Variants in SLC12A3 observed in about 807,000 individuals in gnomAD.
SLC12A3 encodes the protein solute carrier family 12 member 3.
In SLC12A3, 104 loss-of-function variants were observed where a neutral mutation model predicts 121.0. That is an observed-to-expected ratio of 0.86 (90% confidence interval 0.73 to 1.01). The LOEUF (loss-of-function observed/expected upper bound fraction) is 1.01. Ranked by LOEUF, SLC12A3 falls within the 50% of genes least tolerant of loss-of-function variation. The pLI is 0.00. For missense variants in SLC12A3, 1,328 were observed against 1,356.3 expected (o/e 0.98, Z 0.33); for synonymous variants, 536 against 533.4 (o/e 1.00, Z -0.07).
At position 56,869,817 on chromosome 16, in the gene SLC12A3, CAA is replaced by C. The variant is rs2055066583; in HGVS notation, c.595_596del (p.Lys199ValfsTer59). On this transcript the variant is annotated frameshift_variant, in exon 4 of 26. Coordinates refer to ENST00000563236, the MANE Select transcript of SLC12A3 (RefSeq NM_001126108.2). LOFTEE classifies it high-confidence loss of function. ...CAGCCATCTCCACCAATGGCAAGGT[CAA>C]GTCAGGTGGGCCATCCCCCTTTCCA... is the stretch of plus-strand genomic sequence containing the variant. ...ISAISTNGKVKSGGTYFLISR... is the reference protein window; with the variant it reads ...ISAISTNGKVXSGGTYFLISR... 6.2e-7 allele frequency: 1 copy of C among 1,613,722 alleles called. No homozygotes were observed. The highest frequency in any genetic ancestry group is 1.7e-5 in the Admixed American group (1 of 59,998).
chr16:56,905,797 G>A (rs2055601027), intron 25 of SLC12A3, among the ~76,000 whole-genome samples: 1 of 152,118 alleles, frequency 6.6e-6, no homozygotes, highest in Admixed American at 6.5e-5. Context: ...GAGGGGGTAG[G>A]GGTTCAACAC....
intron 1 of SLC12A3, 93 bp downstream of exon 1, chr16:56,865,610 C>A: frequency 1.4e-6 from 2 of 1,392,146 alleles, no homozygotes; most frequent in Non-Finnish European, 2.0e-6. Flanking sequence ...GTCATCTGTG[C>A]CATGGGGATG....
intron 8 of SLC12A3, among the ~76,000 whole-genome samples, chr16:56,875,487 C>A (rs1596900623): frequency 6.6e-6 from 1 of 152,080 alleles, no homozygotes; most frequent in Non-Finnish European, 1.5e-5. Flanking sequence ...GGTTCGGGGG[C>A]CTGCCCAGGA....
rs757776621 is a variant in SLC12A3 at position 56,884,077 on chromosome 16, C to T, written c.1698C>T (p.Asn566=). ...GGAGACCTTCATTCCAATACTACAA[C>T]AAGTGGGCGGCGCTGTTTGGGGCTA... ...PGWRPSFQYY[N]KWAALFGAII... is the part of the protein sequence containing the mutation. The change falls in exon 14 of 26, where the codon AAC becomes AAT. Residue 566 remains asparagine, a synonymous_variant. Transcript: ENST00000563236. The T allele has an allele frequency of 6.2e-7, 1 of 1,614,226 alleles. No homozygotes were observed. Among genetic ancestry groups the T allele is most frequent in the Admixed American group, 1.7e-5 (1 of 60,028 alleles).
Position 56,884,102 on chromosome 16 carries a change from A to G in SLC12A3, c.1723A>G (p.Ile575Val), listed in dbSNP as rs772849642. The change falls in exon 14 of 26, where the codon ATC becomes GTC. Residue 575 changes from isoleucine (I) to valine (V), a missense_variant. By Grantham distance (29) the Ile-to-Val change is conservative. Coordinates refer to ENST00000563236, the MANE Select transcript of SLC12A3 (RefSeq NM_001126108.2). ...YNKWAALFGA[I>V]ISVVIMFLLT... ...CAAGTGGGCGGCGCTGTTTGGGGCT[A>G]TCATCTCCGTGGTCATCATGTTCCT... 35 of 1,614,034 alleles carry G rather than the reference A, an allele frequency of 2.2e-5. No individual in the cohort carries two copies. In the African/African-American group the frequency reaches 3.9e-4, roughly 18 times the overall value.
At chr16:56,878,184 C>A in intron 9 of SLC12A3, 23 bp downstream of exon 9, 1 of 1,577,104 alleles carries the variant, frequency 6.3e-7, no homozygotes, top group Non-Finnish European at 8.7e-7. Context: ...CCCAGCCAGT[C>A]AGGAGGGGGA....
chr16:56,904,751 T>G, intron 25 of SLC12A3: 1 of 410,012 alleles, frequency 2.4e-6, no homozygotes, highest in East Asian at 5.5e-5. Flanking sequence ...TCCTACCAAA[T>G]TCCACTTGGC....
Position 56,866,110 on chromosome 16 carries a change from C to T in SLC12A3, c.282+593C>T, listed in dbSNP as rs557231093. Among the ~76,000 whole-genome samples, 10 of 151,814 alleles carry T rather than the reference C, an allele frequency of 6.6e-5. No individual in the cohort carries two copies. The South Asian group carries it at 1.7e-3, about 25-fold the overall frequency. ...AAGTGATTCTCCTGCCTCAGCCTCCCGAGTAGCTGGGATTACAGGAGCGCA... is the reference window on the plus strand; with the variant it reads ...AAGTGATTCTCCTGCCTCAGCCTCCTGAGTAGCTGGGATTACAGGAGCGCA... On this transcript the variant is annotated intron_variant, in intron 1 of 25. Coordinates refer to ENST00000563236, the MANE Select transcript of SLC12A3 (RefSeq NM_001126108.2).
rs1374495598 is a variant in SLC12A3, at chr16:56,867,279, C to T, written c.429+63C>T. ...GGGGGTGGGGTGGCAGAGCTCCATC[C>T]AGGCTCAGCTCTGACTCTCAGGCCC... is the stretch of plus-strand genomic sequence containing the variant. On this transcript the variant is annotated intron_variant, in intron 2 of 25. Coordinates refer to ENST00000563236, the MANE Select transcript of SLC12A3 (RefSeq NM_001126108.2). 1.8e-5 allele frequency: 28 copies of T among 1,518,756 alleles called. No homozygotes were observed. In the South Asian group the frequency reaches 2.9e-4, roughly 16 times the overall value. 94.1% of individuals were successfully genotyped at this position (1,518,756 alleles called of 1,614,324 possible).
intron 23 of SLC12A3, 56 bp downstream of exon 23, chr16:56,899,672 C>A: frequency 8.0e-7 from 1 of 1,249,896 alleles, no homozygotes; most frequent in Non-Finnish European, 1.2e-6. Context: ...CCTGGAGACC[C>A]CTCTGCCGGC....
chr16:56,882,520 T>A, intron 13 of SLC12A3, 23 bp downstream of exon 13: 1 of 1,581,580 alleles, frequency 6.3e-7, no homozygotes, highest in Non-Finnish European at 8.7e-7. Flanking sequence ...TTCACCCACC[T>A]CAGGAGGAGG....
Position 56,913,314 on chromosome 16 carries a change from C to T in SLC12A3, c.2975C>T (p.Ala992Val). ...KGKCPSSLYM[A>V]WLETLSQDLR... The stretch of plus-strand genomic sequence containing the variant: ...AAGTGCCCCAGCTCGCTGTACATGG[C>T]CTGGCTGGAGACCCTGTCCCAGGAC... Residue 992 changes from alanine to valine, a missense_variant, in exon 26 of 26, where the codon GCC becomes GTC. By Grantham distance (64) the Ala-to-Val change is moderately conservative. Transcript: ENST00000563236. The T allele has an allele frequency of 1.2e-6, 2 of 1,614,184 alleles. No individual in the cohort carries two copies. Among genetic ancestry groups the T allele is most frequent in the East Asian group, 4.5e-5 (2 of 44,890 alleles).
intron 8 of SLC12A3, 36 bp from the exon 9 acceptor site, chr16:56,878,041 T>TCTCTCCCCCCCCCCCCCCCCCCCCCCCCC: frequency 2.5e-6 from 1 of 393,170 alleles, no homozygotes. Flanking sequence ...CCTCTCTCCC[T>TCTCTCCCCCCCCCCCCCCCCCCCCCCCCC]CCCTCCCTCC....
chr16:56,879,626 G>T lies in SLC12A3; in HGVS notation c.1420G>T (p.Val474Phe), dbSNP rs369263832. Residue 474 changes from valine to phenylalanine, a missense_variant, in exon 11 of 26, where the codon GTC becomes TTC. Val to Phe is a conservative substitution (Grantham distance 50). Transcript: ENST00000563236. ...ATLSSALACL[V>F]SAAKVFQCLC... Reference sequence around the variant, plus strand: ...CCTCTCCTCTGCCCTGGCCTGCCTTGTCTCTGCTGCCAAAGTCTTCCAGGT... The same window carrying T: ...CCTCTCCTCTGCCCTGGCCTGCCTTTTCTCTGCTGCCAAAGTCTTCCAGGT... The T allele has an allele frequency of 6.2e-6, 10 of 1,613,460 alleles. No individual in the cohort carries two copies. In the South Asian group the frequency reaches 1.1e-4, roughly 18 times the overall value.
rs2144729972 is a variant in SLC12A3 at position 56,886,970 on chromosome 16, G to A, written c.2055G>A (p.Arg685=). 1 of 1,613,758 alleles carries A rather than the reference G, an allele frequency of 6.2e-7. No homozygotes were observed. The highest frequency in any genetic ancestry group is 1.1e-5 in the South Asian group (1 of 91,080). Residue 685 remains arginine (R), a synonymous_variant, in exon 17 of 26, where the codon AGG becomes AGA. Transcript: ENST00000563236. ...GHVLIGPHKQ[R]MPELQLIANG... The stretch of plus-strand genomic sequence containing the variant: ...ACCCACAGGGACCCCACAAGCAGAG[G>A]ATGCCTGAGCTCCAGCTCATCGCCA...
At position 56,904,475 on chromosome 16, in the gene SLC12A3, C is replaced by T. The variant is rs2289115; in HGVS notation, c.2924+13C>T. On this transcript the variant is annotated intron_variant, in intron 25 of 25. Transcript: ENST00000563236. ...CTCTCATCGTCATGTAAGTAGTGCCCGGCTGGTGGGAGGACCAGTCTGTCC... is the reference window on the plus strand; with the variant it reads ...CTCTCATCGTCATGTAAGTAGTGCCTGGCTGGTGGGAGGACCAGTCTGTCC... 428,470 of 1,610,364 alleles carry T rather than the reference C, an allele frequency of 0.27. 61,168 individuals carry two copies. Among genetic ancestry groups the T allele is most frequent in the African/African-American group, 0.54 (40,192 of 74,824 alleles).
chr16:56,878,217 G>A, intron 9 of SLC12A3, 56 bp downstream of exon 9: 1 of 1,343,772 alleles, frequency 7.4e-7, no homozygotes, highest in Non-Finnish European at 1.1e-6. Context: ...CCACCCTGCA[G>A]TGTCCCAAAA....
intron 18 of SLC12A3, 90 bp from the exon 19 acceptor site, chr16:56,890,184 C>G (rs889250304): frequency 6.0e-5 from 57 of 946,944 alleles, no homozygotes; most frequent in Non-Finnish European, 8.7e-5. Flanking sequence ...GGAAGCAGAG[C>G]CAACTCTAGA....
At chr16:56,901,773 C>T (rs1473812906) in intron 23 of SLC12A3, among the ~76,000 whole-genome samples, 6 of 152,346 alleles carry the variant, frequency 3.9e-5, no homozygotes, top group Admixed American at 3.3e-4. Flanking sequence ...TCCTCACCTC[C>T]TCCCACCCTT....
Sources: allele counts gnomAD v4.1 joint callset (sites outside exome capture counted in the v4.1 genomes callset), GRCh38; gene constraint gnomAD v4.1.1; transcripts MANE v1.5; gene names NCBI Gene and HGNC (gene_info 2026-07-23, HGNC 2026-07-21).